Variants in IGFBP5 observed in about 807,000 individuals in gnomAD.
IGFBP5 encodes the protein insulin like growth factor binding protein 5.
Under a neutral mutation model 28.0 loss-of-function variants are expected in IGFBP5, and 12 were observed. The ratio of observed to expected loss-of-function variants is 0.43; its 90% confidence interval spans 0.27 to 0.69. IGFBP5 has a LOEUF of 0.69. Among genes scored for constraint, IGFBP5 ranks in the 30% least tolerant of loss-of-function variants. IGFBP5 has a pLI of 0.20. For missense variants in IGFBP5, 344 were observed against 381.6 expected, an observed-to-expected ratio of 0.90 and a Z score of 0.82; for synonymous variants, 152 against 150.2, an observed-to-expected ratio of 1.01 and a Z score of -0.09.
In IGFBP5 at chr2:216,678,248, G is replaced by C; in HGVS notation, c.568-17C>G. The C allele has an allele frequency of 6.6e-7, 1 of 1,522,710 alleles. No homozygotes were observed. The highest frequency in any genetic ancestry group is 2.4e-5 in the East Asian group (1 of 42,274). 94.3% of individuals were successfully genotyped at this position (1,522,710 alleles called of 1,614,324 possible). ...GCAGGGGCCCTGTGTGGACAGGAGG[G>C]TGAGAGGCGTGGCGAGACCAAGGGA... On this transcript the variant is annotated splice_polypyrimidine_tract_variant and intron_variant, in intron 2 of 3. Transcript: ENST00000233813.
chr2:216,694,652 G>C lies in IGFBP5; in HGVS notation c.124C>G (p.Pro42Ala), dbSNP rs758433852. Reference sequence around the variant, plus strand: ...TCCTTGACCAGCTCGCAGCCCAGGGGGCTGGGGGGGCACATGGAGAGGGCT... The same window carrying C: ...TCCTTGACCAGCTCGCAGCCCAGGGCGCTGGGGGGGCACATGGAGAGGGCT... ...EKALSMCPPS[P>A]LGCELVKEPG... Residue 42 changes from proline to alanine, a missense_variant, in exon 1 of 4, where the codon CCC (proline) becomes GCC (alanine). Physicochemically the swap from Pro to Ala is conservative, Grantham distance 27. Around this residue, in one of 3 missense-constraint regions of IGFBP5, gnomAD observed 304 missense variants for 329.2 expected, o/e 0.92. Transcript: ENST00000233813. The surrounding 1 kb of genome is among the most constrained non-coding windows in gnomAD (Gnocchi z 5.2). The C allele has an allele frequency of 5.9e-6, 9 of 1,528,282 alleles. 1 individual carries two copies. The South Asian group carries it at 1.1e-4, about 19-fold the overall frequency. 94.7% of individuals were successfully genotyped at this position (1,528,282 alleles called of 1,614,324 possible).
At chr2:216,678,277 C>A (rs35366469) in intron 2 of IGFBP5, 46 bp from the exon 3 acceptor site, 7 of 1,470,194 alleles carry the variant, frequency 4.8e-6, no homozygotes, top group Non-Finnish European at 4.5e-6. Context: ...CAAGGGAAAA[C>A]CACCCAGCTG....
chr2:216,693,009 A>AG (rs1689119046), intron 1 of IGFBP5, among the ~76,000 whole-genome samples: 2 of 152,168 alleles, frequency 1.3e-5, no homozygotes, highest in Admixed American at 6.5e-5. Context: ...GGGAGGGAGA[A>AG]GGGGATTGCC....
At chr2:216,693,158 T>A (rs1057140362) in intron 1 of IGFBP5, among the ~76,000 whole-genome samples, 1 of 151,878 alleles carries the variant, frequency 6.6e-6, no homozygotes, top group African/African-American at 2.4e-5. Flanking sequence ...TTAACTTTTT[T>A]TTTTTTTAAC....
At chr2:216,680,928 C>A (rs1247180044) in intron 1 of IGFBP5, among the ~76,000 whole-genome samples, 1 of 152,156 alleles carries the variant, frequency 6.6e-6, no homozygotes, top group Non-Finnish European at 1.5e-5. Flanking sequence ...TGTGACGACT[C>A]ATCAATAGGG....
At chr2:216,677,174 A>G (rs538606765) in intron 3 of IGFBP5, among the ~76,000 whole-genome samples, 1 of 151,964 alleles carries the variant, frequency 6.6e-6, no homozygotes, top group South Asian at 2.1e-4. Flanking sequence ...CCTGAGCCCA[A>G]GTGATCTTCC....
chr2:216,683,100 C>T (rs1244684487), intron 1 of IGFBP5, among the ~76,000 whole-genome samples: 2 of 152,140 alleles, frequency 1.3e-5, no homozygotes, highest in Admixed American at 6.5e-5. Context: ...GAGTGGATTG[C>T]CTGAGCCCAG....
At position 216,679,585 on chromosome 2, in the gene IGFBP5, T is replaced by C. The variant is rs1240341984; in HGVS notation, c.338-506A>G. Among the ~76,000 whole-genome samples, 1 of 152,092 alleles carries C rather than the reference T, an allele frequency of 6.6e-6. No individual in the cohort carries two copies. Among genetic ancestry groups the C allele is most frequent in the Non-Finnish European group, 1.5e-5 (1 of 68,030 alleles). ...AGAAGGGCAAAGGCTGTCCTGTTAGTGAGATCTTTGCACTTTCAGAGCTGC... is the reference window on the plus strand; with the variant it reads ...AGAAGGGCAAAGGCTGTCCTGTTAGCGAGATCTTTGCACTTTCAGAGCTGC... On this transcript the variant is annotated intron_variant, in intron 1 of 3. Coordinates refer to ENST00000233813, the MANE Select transcript of IGFBP5 (RefSeq NM_000599.4). This position sits in a 1 kb window ranked among gnomAD's most constrained non-coding sequence, Gnocchi z 4.6.
intron 1 of IGFBP5, among the ~76,000 whole-genome samples, chr2:216,683,864 A>T (rs1689007152): frequency 6.6e-6 from 1 of 152,190 alleles, no homozygotes; most frequent in Admixed American, 6.5e-5. Flanking sequence ...TAATACCTCC[A>T]GTCCTTCCCA....
chr2:216,674,400 C>T lies in IGFBP5; in HGVS notation c.*2351G>A, dbSNP rs1342995640. On this transcript the variant is annotated 3_prime_UTR_variant, in exon 4 of 4. Coordinates refer to ENST00000233813, the MANE Select transcript of IGFBP5 (RefSeq NM_000599.4). The surrounding 1 kb of genome is among the most constrained non-coding windows in gnomAD (Gnocchi z 4.4). Reference sequence around the variant, plus strand: ...TTTGTCTCATGAAGATTGAGCACTTCTCCTGTCCCCAGCCAACTGTCCTGT... The same window carrying T: ...TTTGTCTCATGAAGATTGAGCACTTTTCCTGTCCCCAGCCAACTGTCCTGT... 5.2e-5 allele frequency: 8 copies of T among 152,860 alleles called. No individual in the cohort carries two copies. In the South Asian group the frequency reaches 1.5e-3, roughly 28 times the overall value. 9.5% of individuals were successfully genotyped at this position (152,860 alleles called of 1,614,324 possible). A position where few individuals can be genotyped will look rare whatever the true frequency, so the allele number is the denominator to read the frequency against.
chr2:216,690,457 A>G (rs1364960750), intron 1 of IGFBP5, among the ~76,000 whole-genome samples: 3 of 151,828 alleles, frequency 2.0e-5, no homozygotes, highest in African/African-American at 7.3e-5. Flanking sequence ...TTGCTCAGGT[A>G]CAAAGTAGAA....
intron 3 of IGFBP5, 76 bp from the exon 4 acceptor site, chr2:216,676,958 C>G: frequency 6.5e-7 from 1 of 1,532,896 alleles, no homozygotes; most frequent in Non-Finnish European, 8.9e-7. Context: ...TGCCTCTTGT[C>G]TACCCCAAGG....
chr2:216,675,190 T>A lies in IGFBP5; in HGVS notation c.*1561A>T, dbSNP rs1165841558. The A allele has an allele frequency of 6.6e-6, 1 of 152,398 alleles. No individual in the cohort carries two copies. Among genetic ancestry groups the A allele is most frequent in the African/African-American group, 2.4e-5 (1 of 41,446 alleles). The allele number at this position is 152,398 out of a possible 1,614,324, so 9.4% of individuals were successfully genotyped here. A position where few individuals can be genotyped will look rare whatever the true frequency, so the allele number is the denominator to read the frequency against. ...CCTCTGTTCCTCCCCACATCGACTC[T>A]GGCCGGAACCATCCATCTTACTGTT... is the stretch of plus-strand genomic sequence containing the variant. On this transcript the variant is annotated 3_prime_UTR_variant, in exon 4 of 4. Transcript: ENST00000233813.
intron 1 of IGFBP5, among the ~76,000 whole-genome samples, chr2:216,683,216 G>A (rs1000403432): frequency 6.6e-6 from 1 of 152,156 alleles, no homozygotes; most frequent in African/African-American, 2.4e-5. Flanking sequence ...AGAAACTCAG[G>A]AGGCTGAGAC....
rs1228468391 is a variant in IGFBP5, at chr2:216,692,096, G to A, written c.337+2343C>T. On this transcript the variant is annotated intron_variant, in intron 1 of 3. Transcript: ENST00000233813. The surrounding 1 kb of genome is among the most constrained non-coding windows in gnomAD (Gnocchi z 4.2). ...TTGGGGACCCGCCCAGTGGTTGTCCGGCTAAAACGCCCTTTCCAGGAGCGC... is the reference window on the plus strand; with the variant it reads ...TTGGGGACCCGCCCAGTGGTTGTCCAGCTAAAACGCCCTTTCCAGGAGCGC... Among the ~76,000 whole-genome samples, 1 of 152,050 alleles carries A rather than the reference G, an allele frequency of 6.6e-6. No individual in the cohort carries two copies.
In IGFBP5 at chr2:216,692,520, C is replaced by G. The variant is rs1015654012; in HGVS notation, c.337+1919G>C. On this transcript the variant is annotated intron_variant, in intron 1 of 3. Transcript: ENST00000233813. The surrounding 1 kb of genome is among the most constrained non-coding windows in gnomAD (Gnocchi z 4.2). The stretch of plus-strand genomic sequence containing the variant: ...AATAATAAGTGGAGCCAGGATGCGG[C>G]TGAGTGACACCTTACGTTCTTTCGG... Among the ~76,000 whole-genome samples the G allele has an allele frequency of 6.6e-6, 1 of 152,106 alleles. No homozygotes were observed. Among genetic ancestry groups the G allele is most frequent in the African/African-American group, 2.4e-5 (1 of 41,436 alleles).
chr2:216,687,718 G>A (rs1473640697), intron 1 of IGFBP5, among the ~76,000 whole-genome samples: 1 of 152,140 alleles, frequency 6.6e-6, no homozygotes, highest in African/African-American at 2.4e-5. Flanking sequence ...GATAGGTGGG[G>A]AGCAGCCTCT....
intron 1 of IGFBP5, among the ~76,000 whole-genome samples, chr2:216,682,717 T>G (rs1243027738): frequency 6.6e-6 from 1 of 151,642 alleles, no homozygotes; most frequent in Non-Finnish European, 1.5e-5. Flanking sequence ...GTTTTTTGTT[T>G]TTTTTTTTTG....
At chr2:216,680,064 C>T (rs954218300) in intron 1 of IGFBP5, among the ~76,000 whole-genome samples, 1 of 152,122 alleles carries the variant, frequency 6.6e-6, no homozygotes, top group Admixed American at 6.5e-5. Flanking sequence ...TCCCCTTCTC[C>T]TCTCAGATCC....
Sources: gnomAD v4.1 joint callset for allele counts (sites outside exome capture counted in the v4.1 genomes callset) on GRCh38, gnomAD v4.1.1 for gene constraint, gnomAD v4.1.1 regional missense constraint, Gnocchi (gnomAD v3.1) non-coding constraint, MANE v1.5 for transcripts, NCBI Gene and HGNC (gene_info 2026-07-23, HGNC 2026-07-21) for gene names.